Variants in ADGRB3 observed in about 807,000 individuals in gnomAD.
ADGRB3 encodes the protein brain-specific angiogenesis inhibitor 3.
A neutral mutation model predicts 193.4 loss-of-function variants in ADGRB3; 37 were observed. The ratio of observed to expected loss-of-function variants is 0.19; its 90% CI spans 0.15 to 0.25. The LOEUF (loss-of-function observed/expected upper bound fraction) is 0.25. Ranked by LOEUF, ADGRB3 falls within the 10% of genes least tolerant of loss-of-function variation. The probability of loss-of-function intolerance (pLI) is 1.00; values close to 1 mark genes in which losing one functional copy is unlikely to be tolerated. For missense variants in ADGRB3, 1,637 were observed against 1,852.9 expected (o/e 0.88, Z 2.14); for synonymous variants, 690 against 644.2 (o/e 1.07, Z -1.08).
chr6:69,180,458 A>C (rs1775549239), intron 17 of ADGRB3, among the ~76,000 whole-genome samples: 1 of 152,098 alleles, frequency 6.6e-6, no homozygotes, highest in Non-Finnish European at 1.5e-5. Context: ...TTCACTGTAC[A>C]ACAATCTGTG....
At chr6:68,832,508 A>G (rs970774184) in intron 3 of ADGRB3, among the ~76,000 whole-genome samples, 5 of 152,206 alleles carry the variant, frequency 3.3e-5, no homozygotes, top group African/African-American at 1.2e-4. Flanking sequence ...GATATAGTGA[A>G]ATATTTTCCC....
intron 20 of ADGRB3, 138 bp downstream of exon 20, chr6:69,239,364 T>C: frequency 3.3e-6 from 2 of 597,982 alleles, no homozygotes; most frequent in Non-Finnish European, 2.9e-6. Context: ...TTGTTATTGG[T>C]TTATGAATAA....
intron 8 of ADGRB3, 106 bp from the exon 9 acceptor site, chr6:68,974,657 A>AG: frequency 1.2e-6 from 1 of 818,004 alleles, no homozygotes; most frequent in Admixed American, 2.6e-5. Flanking sequence ...AGAAAAAAAA[A>AG]GAAAACTAAA....
chr6:69,354,159 G>A (rs1769286423), intron 26 of ADGRB3, 74 bp from the exon 27 acceptor site: 1 of 1,060,744 alleles, frequency 9.4e-7, no homozygotes, highest in Non-Finnish European at 1.5e-6. Context: ...CTGCCTCAGA[G>A]CTGATTGCCA....
chr6:68,909,956 T>G (rs1253921738), intron 3 of ADGRB3, among the ~76,000 whole-genome samples: 1 of 152,200 alleles, frequency 6.6e-6, no homozygotes, highest in Non-Finnish European at 1.5e-5. Flanking sequence ...GTATTTCTAG[T>G]TCTAGATCCC....
chr6:69,061,319 A>T (rs2150307318), intron 15 of ADGRB3, among the ~76,000 whole-genome samples: 1 of 152,054 alleles, frequency 6.6e-6, no homozygotes, highest in Non-Finnish European at 1.5e-5. Flanking sequence ...CCAACCACGG[A>T]ATAACTCCGC....
intron 3 of ADGRB3, among the ~76,000 whole-genome samples, chr6:68,650,050 T>G (rs1768312771): frequency 6.6e-6 from 1 of 152,220 alleles, no homozygotes; most frequent in South Asian, 2.1e-4. Flanking sequence ...GGTTTCTTAC[T>G]GGGACCCTGA....
intron 3 of ADGRB3, among the ~76,000 whole-genome samples, chr6:68,915,844 C>T (rs1239463509): frequency 6.6e-6 from 1 of 151,918 alleles, no homozygotes; most frequent in Non-Finnish European, 1.5e-5. Context: ...TTTATGCTGT[C>T]ATGATTCAGT....
At chr6:68,693,284 A>G (rs1765107913) in intron 3 of ADGRB3, among the ~76,000 whole-genome samples, 1 of 151,922 alleles carries the variant, frequency 6.6e-6, no homozygotes, top group Non-Finnish European at 1.5e-5. Context: ...TCCTATTTTG[A>G]CGGGTGGGAA....
intron 17 of ADGRB3, among the ~76,000 whole-genome samples, chr6:69,189,919 TAAAAA>T (rs1414005912): frequency 6.6e-6 from 1 of 152,082 alleles, no homozygotes; most frequent in Non-Finnish European, 1.5e-5. Flanking sequence ...ATAATAGAGC[TAAAAA>T]ATCCGAATCT....
chr6:69,122,010 A>AT (rs1308854403), intron 17 of ADGRB3, among the ~76,000 whole-genome samples: 1 of 24,904 alleles, frequency 4.0e-5, no homozygotes, highest in East Asian at 0.014. Context: ...CTTCCCAGAC[A>AT]GGGTGGCAGC....
At chr6:69,097,851 C>A (rs1201458311) in intron 17 of ADGRB3, among the ~76,000 whole-genome samples, 1 of 151,810 alleles carries the variant, frequency 6.6e-6, no homozygotes, top group Non-Finnish European at 1.5e-5. Flanking sequence ...CTTCAAGAGA[C>A]ACAAGGAAAA....
chr6:69,128,679 C>T (rs189551798), intron 17 of ADGRB3, among the ~76,000 whole-genome samples: 2 of 152,248 alleles, frequency 1.3e-5, no homozygotes, highest in East Asian at 1.9e-4. Flanking sequence ...TGAAATGGTA[C>T]TATTTTCTCT....
chr6:69,242,318 T>C (rs756544356), intron 20 of ADGRB3, among the ~76,000 whole-genome samples: 8 of 151,970 alleles, frequency 5.3e-5, no homozygotes, highest in African/African-American at 1.7e-4. Context: ...GTGGGGATTT[T>C]TTAATTGATC....
chr6:69,343,263 C>T (rs887458804), intron 26 of ADGRB3, among the ~76,000 whole-genome samples: 14 of 150,354 alleles, frequency 9.3e-5, no homozygotes, highest in Admixed American at 4.7e-4. Flanking sequence ...ATACATGTGC[C>T]ATGCTGGTGC....
intron 3 of ADGRB3, among the ~76,000 whole-genome samples, chr6:68,807,089 G>A (rs766443475): frequency 7.9e-5 from 12 of 151,956 alleles, no homozygotes; most frequent in Non-Finnish European, 1.5e-4. Context: ...ATGAATTACC[G>A]AATTTGTAAA....
intron 3 of ADGRB3, among the ~76,000 whole-genome samples, chr6:68,827,575 G>C (rs957589419): frequency 3.9e-5 from 6 of 151,902 alleles, no homozygotes; most frequent in African/African-American, 1.5e-4. Context: ...GAAAGGATGA[G>C]ATCTAATGTG....
At chr6:68,770,525 A>G (rs1372050400) in intron 3 of ADGRB3, among the ~76,000 whole-genome samples, 1 of 152,090 alleles carries the variant, frequency 6.6e-6, no homozygotes, top group African/African-American at 2.4e-5. Context: ...CCTCATTCAG[A>G]GATTCTGTTA....
At chr6:69,116,520 AT>A (rs369185557) in intron 17 of ADGRB3, among the ~76,000 whole-genome samples, 4 of 152,194 alleles carry the variant, frequency 2.6e-5, no homozygotes, top group East Asian at 3.9e-4. Flanking sequence ...GTTGTGTGAA[AT>A]AAAATTTTCT....
Sources: gnomAD v4.1 joint callset for allele counts (sites outside exome capture counted in the v4.1 genomes callset) on GRCh38, gnomAD v4.1.1 for gene constraint, MANE v1.5 for transcripts, NCBI Gene and HGNC (gene_info 2026-07-23, HGNC 2026-07-21) for gene names.